GPATCH8: variants seen among roughly 807,000 people sequenced by gnomAD.
GPATCH8 encodes G patch domain-containing protein 8.
GPATCH8 carries 18 observed loss-of-function variants against 118.3 expected under a neutral mutation model. That is an observed-to-expected ratio of 0.15 (90% CI 0.11 to 0.23). GPATCH8 has a LOEUF of 0.23. Among genes scored for constraint, GPATCH8 ranks in the 10% least tolerant of loss-of-function variants. The pLI is 1.00. For synonymous variants in GPATCH8, 659 were observed against 684.7 expected, an observed-to-expected ratio of 0.96 and a Z score of 0.59; for missense variants, 1,631 against 1,873.8, an observed-to-expected ratio of 0.87 and a Z score of 2.39.
At chr17:44,428,644 A>G (rs1457729432) in intron 5 of GPATCH8, among the ~76,000 whole-genome samples, 2 of 152,012 alleles carry the variant, frequency 1.3e-5, no homozygotes. Flanking sequence ...CTTTACAAAA[A>G]ATATAAAAAT....
rs1005554315 is a variant in GPATCH8, at chr17:44,398,998, G to A, written c.3079C>T (p.Arg1027Cys). Residue 1027 changes from arginine (R) to cysteine (C), a missense_variant, in exon 8 of 8, where the codon CGT (arginine) becomes TGT (cysteine). Physicochemically the swap from Arg to Cys is radical, Grantham distance 180. Around this residue, in one of 8 missense-constraint regions of GPATCH8, gnomAD observed 922 missense variants for 879.7 expected, o/e 1.05. Transcript: ENST00000591680. ...GACTGGGAGCGGTAGATCTTAGAAC[G>A]AATGAAGTCCCGACGCCCAGAATGC... The part of the protein sequence containing the change: ...ERHSGRRDFI[R>C]SKIYRSQSPH... 2.5e-6 allele frequency: 4 copies of A among 1,613,940 alleles called. No homozygotes were observed. Among genetic ancestry groups the A allele is most frequent in the East Asian group, 2.2e-5 (1 of 44,878 alleles).
At chr17:44,459,282 A>T (rs953412509) in intron 3 of GPATCH8, among the ~76,000 whole-genome samples, 1 of 152,180 alleles carries the variant, frequency 6.6e-6, no homozygotes, top group Non-Finnish European at 1.5e-5. Context: ...CTAAGGATGG[A>T]TTATCTCTAA....
rs146824857 is a variant in GPATCH8 at position 44,469,481 on chromosome 17, G to A, written c.121-4937C>T. Among the ~76,000 whole-genome samples the A allele has an allele frequency of 2.4e-3, 360 of 152,216 alleles. 2 individuals carry two copies. The highest frequency in any genetic ancestry group is 2.8e-3 in the Non-Finnish European group (188 of 68,022). The stretch of plus-strand genomic sequence containing the variant: ...GCTGTAAGTTTTTACAGTAGGAAAC[G>A]GCCTATTATGTCTCAAGAGAAAACC... On this transcript the variant is annotated intron_variant, in intron 2 of 7. Transcript: ENST00000591680.
intron 1 of GPATCH8, among the ~76,000 whole-genome samples, chr17:44,499,904 A>C (rs1406685840): frequency 6.6e-6 from 1 of 152,110 alleles, no homozygotes; most frequent in African/African-American, 2.4e-5. Flanking sequence ...AAGATTAAAA[A>C]AAAAAAAAAC....
chr17:44,395,321 C>G lies in GPATCH8; in HGVS notation c.*2247G>C, dbSNP rs916572559. Reference sequence around the variant, plus strand: ...GGTTTATTAGAAAGTTCCTTTCCCTCATTTTACAGCATATATATCTCTATC... The same window carrying G: ...GGTTTATTAGAAAGTTCCTTTCCCTGATTTTACAGCATATATATCTCTATC... On this transcript the variant is annotated 3_prime_UTR_variant, in exon 8 of 8. Transcript: ENST00000591680. 1.3e-5 allele frequency: 5 copies of G among 399,816 alleles called. No individual in the cohort carries two copies. The highest frequency in any genetic ancestry group is 2.4e-5 in the Non-Finnish European group (5 of 204,084). The allele number at this position is 399,816 out of a possible 1,614,324, so 24.8% of individuals were successfully genotyped here.
intron 3 of GPATCH8, among the ~76,000 whole-genome samples, chr17:44,453,369 A>G (rs910497570): frequency 1.3e-5 from 2 of 152,208 alleles, no homozygotes; most frequent in African/African-American, 4.8e-5. Flanking sequence ...ATGGGACAAC[A>G]GTAATTCTCT....
At chr17:44,474,639 A>G (rs1275727009) in intron 2 of GPATCH8, 190 bp downstream of exon 2, 1 of 673,136 alleles carries the variant, frequency 1.5e-6, no homozygotes, top group Non-Finnish European at 2.7e-6. Context: ...ATTTTTTTGG[A>G]CTGATTTCCC....
Position 44,497,502 on chromosome 17 carries a change from C to A in GPATCH8, c.45+5824G>T, listed in dbSNP as rs528697617. 5.9e-5 allele frequency among the ~76,000 whole-genome samples: 9 copies of A among 152,118 alleles called. No individual in the cohort carries two copies. The East Asian group carries it at 1.7e-3, about 29-fold the overall frequency. ...ACTCAGGAGGCTGAGGTGGGAGGAT[C>A]ACTTGAAGCTGGGAGGTCAAGGCTG... On this transcript the variant is annotated intron_variant, in intron 1 of 7. Transcript: ENST00000591680.
intron 1 of GPATCH8, among the ~76,000 whole-genome samples, chr17:44,502,311 C>T (rs1037001444): frequency 1.3e-5 from 2 of 151,420 alleles, no homozygotes; most frequent in African/African-American, 4.9e-5. Flanking sequence ...TTCTGAGATT[C>T]ATCCCGACCC....
intron 4 of GPATCH8, among the ~76,000 whole-genome samples, chr17:44,436,223 T>C (rs1412637118): frequency 2.6e-5 from 4 of 152,108 alleles, no homozygotes; most frequent in Admixed American, 6.6e-5. Flanking sequence ...AAGTCTGATA[T>C]TGCCTTGCTG....
rs1416898999 is a variant in GPATCH8, at chr17:44,395,621, G to A, written c.*1947C>T. The stretch of plus-strand genomic sequence containing the variant: ...CAGTGCTAGTTATCCAAGAAGTGAT[G>A]CTTCTGAATCAGATGAGTACTGAAC... On this transcript the variant is annotated 3_prime_UTR_variant, in exon 8 of 8. Coordinates refer to ENST00000591680, the MANE Select transcript of GPATCH8 (RefSeq NM_001002909.4). The A allele has an allele frequency of 2.2e-6, 1 of 454,226 alleles. No homozygotes were observed. Among genetic ancestry groups the A allele is most frequent in the Non-Finnish European group, 4.4e-6 (1 of 226,780 alleles). 28.1% of individuals were successfully genotyped at this position (454,226 alleles called of 1,614,324 possible).
Position 44,401,094 on chromosome 17 carries a change from G to A in GPATCH8, c.983C>T (p.Ser328Phe). The change falls in exon 8 of 8, where the codon TCT becomes TTT. Residue 328 changes from serine to phenylalanine, a missense_variant. Around this residue, in one of 8 missense-constraint regions of GPATCH8, gnomAD observed 405 missense variants for 462.7 expected, o/e 0.88. Coordinates refer to ENST00000591680, the MANE Select transcript of GPATCH8 (RefSeq NM_001002909.4). The part of the protein sequence containing the change: ...VFKDHAEEGT[S>F]EDGTKPDEKS... ...CTCATCGGGTTTTGTTCCATCTTCA[G>A]AGGTCCCTTCCTCCGCATGGTCCTT... is the stretch of plus-strand genomic sequence containing the variant. 1 of 1,614,126 alleles carries A rather than the reference G, an allele frequency of 6.2e-7. No individual in the cohort carries two copies. Among genetic ancestry groups the A allele is most frequent in the Non-Finnish European group, 8.5e-7 (1 of 1,179,996 alleles).
At chr17:44,412,897 A>G (rs2049499861) in intron 6 of GPATCH8, among the ~76,000 whole-genome samples, 1 of 151,770 alleles carries the variant, frequency 6.6e-6, no homozygotes, top group African/African-American at 2.4e-5. Context: ...TCCCCTTCCT[A>G]ACTGAAGTAA....
intron 6 of GPATCH8, among the ~76,000 whole-genome samples, chr17:44,411,780 G>A (rs1366523004): frequency 6.6e-6 from 1 of 152,148 alleles, no homozygotes; most frequent in Non-Finnish European, 1.5e-5. Flanking sequence ...AGTTGTCTAT[G>A]ACACAAAAGA....
At chr17:44,445,188 T>C (rs1357805810) in intron 3 of GPATCH8, among the ~76,000 whole-genome samples, 1 of 152,134 alleles carries the variant, frequency 6.6e-6, no homozygotes, top group Non-Finnish European at 1.5e-5. Flanking sequence ...GCATCAAATG[T>C]TTAAGAAAAA....
In GPATCH8 at chr17:44,397,967, G is replaced by C. The variant is rs1290582553; in HGVS notation, c.4110C>G (p.Thr1370=). ...HIQQPATASA[T]SITTVQHAIL... is the part of the protein sequence containing the mutation. ...TGGCATGCTGAACAGTTGTGATGGA[G>C]GTGGCAGAGGCTGTAGCTGGCTGCT... Residue 1370 remains threonine (T), a synonymous_variant, in exon 8 of 8, where the codon ACC becomes ACG. Coordinates refer to ENST00000591680, the MANE Select transcript of GPATCH8 (RefSeq NM_001002909.4). The C allele has an allele frequency of 1.9e-6, 3 of 1,613,986 alleles. No individual in the cohort carries two copies. The highest frequency in any genetic ancestry group is 1.1e-5 in the South Asian group (1 of 91,082).
intron 1 of GPATCH8, among the ~76,000 whole-genome samples, chr17:44,482,573 CAA>C (rs376299230): frequency 1.6e-3 from 154 of 97,044 alleles, no homozygotes; most frequent in Middle Eastern, 5.0e-3. Flanking sequence ...GACTCCATCT[CAA>C]AAAAAAAAAA....
chr17:44,488,220 AC>A (rs1204853099), intron 1 of GPATCH8, among the ~76,000 whole-genome samples: 3 of 93,214 alleles, frequency 3.2e-5, no homozygotes, highest in Admixed American at 1.3e-4. Context: ...ACCGTGCCTG[AC>A]CCTTTTTTTT....
At chr17:44,416,456 AATG>A (rs1271496517) in intron 6 of GPATCH8, among the ~76,000 whole-genome samples, 13 of 152,208 alleles carry the variant, frequency 8.5e-5, no homozygotes, top group African/African-American at 3.1e-4. Flanking sequence ...AGACTGGCCA[AATG>A]ATGTCAATTT....
Sources: allele counts gnomAD v4.1 joint callset (sites outside exome capture counted in the v4.1 genomes callset), GRCh38; gene constraint gnomAD v4.1.1; regional missense constraint gnomAD v4.1.1; transcripts MANE v1.5; gene names NCBI Gene and HGNC (gene_info 2026-07-23, HGNC 2026-07-21).